Variants in F5 observed in about 807,000 individuals in gnomAD.
F5 encodes activated protein c cofactor.
A neutral mutation model predicts 216.4 loss-of-function variants in F5; 138 were observed. The observed-to-expected ratio is 0.64, with a 90% CI of 0.56 to 0.73. F5 has a LOEUF of 0.73. Ranked by LOEUF, F5 falls within the 30% of genes least tolerant of loss-of-function variation. The pLI is 0.00. For missense variants in F5, 2,403 were observed against 2,674.0 expected (o/e 0.90, Z 2.24); for synonymous variants, 916 against 930.7 (o/e 0.98, Z 0.29).
chr1:169,573,560 A>G (rs1156239078), intron 2 of F5, among the ~76,000 whole-genome samples: 3 of 152,158 alleles, frequency 2.0e-5, no homozygotes, highest in Admixed American at 1.3e-4. Flanking sequence ...GTCAAGGATG[A>G]CCTCAAGGTG....
At chr1:169,563,664 T>A (rs965962657) in intron 3 of F5, among the ~76,000 whole-genome samples, 3 of 152,216 alleles carry the variant, frequency 2.0e-5, no homozygotes, top group Admixed American at 1.3e-4. Context: ...TTATCCTTTA[T>A]TTTTTACCTT....
At chr1:169,522,714 G>A (rs1235790576) in intron 21 of F5, among the ~76,000 whole-genome samples, 3 of 152,152 alleles carry the variant, frequency 2.0e-5, no homozygotes, top group African/African-American at 7.2e-5. Flanking sequence ...GAAGGAGAAT[G>A]TCATTCCTCA....
intron 3 of F5, among the ~76,000 whole-genome samples, chr1:169,567,789 A>C (rs1571595862): frequency 6.6e-6 from 1 of 152,224 alleles, no homozygotes. Flanking sequence ...TGGGCCCCTG[A>C]GGGGCTCTGC....
At chr1:169,545,815 T>C (rs1476878491) in intron 11 of F5, among the ~76,000 whole-genome samples, 1 of 152,196 alleles carries the variant, frequency 6.6e-6, no homozygotes, top group Non-Finnish European at 1.5e-5. Flanking sequence ...CTGGCTGTTG[T>C]GGAGAAGTTT....
In F5 at chr1:169,515,570, C is replaced by G; in HGVS notation, c.6402G>C (p.Thr2134=). ...EIDLLKIKKI[T]AIITQGCKSL... Reference sequence around the variant, plus strand: ...ACTTGCAGCCCTGTGTTATAATTGCCGTTATCTTCTTGATCTTGAGTAGAT... The same window carrying G: ...ACTTGCAGCCCTGTGTTATAATTGCGGTTATCTTCTTGATCTTGAGTAGAT... Residue 2134 remains threonine, a synonymous_variant, in exon 24 of 25, where the codon ACG becomes ACC. Coordinates refer to ENST00000367797, the MANE Select transcript of F5 (RefSeq NM_000130.5). 4 of 1,613,284 alleles carry G rather than the reference C, an allele frequency of 2.5e-6. No homozygotes were observed. Among genetic ancestry groups the G allele is most frequent in the Non-Finnish European group, 3.4e-6 (4 of 1,179,604 alleles).
At chr1:169,568,453 A>G (rs748927727) in intron 3 of F5, among the ~76,000 whole-genome samples, 6 of 152,242 alleles carry the variant, frequency 3.9e-5, no homozygotes, top group Non-Finnish European at 8.8e-5. Context: ...ACATACATTA[A>G]TATAAAGTAT....
intron 19 of F5, among the ~76,000 whole-genome samples, chr1:169,524,135 A>G (rs1659374353): frequency 6.6e-6 from 1 of 152,122 alleles, no homozygotes; most frequent in Non-Finnish European, 1.5e-5. Flanking sequence ...CACACAGGTC[A>G]TGTTTGATTT....
At position 169,551,136 on chromosome 1, in the gene F5, T is replaced by C. The variant is rs1214249330; in HGVS notation, c.1297-397A>G. ...TCCCCTTCCCCTGCCCGGTAGATTT[T>C]TTAGGACACTGTCTTTGAAGTCATC... On this transcript the variant is annotated intron_variant, in intron 8 of 24. Transcript: ENST00000367797. 2.0e-5 allele frequency among the ~76,000 whole-genome samples: 3 copies of C among 152,166 alleles called. 1 individual carries two copies. Among genetic ancestry groups the C allele is most frequent in the Non-Finnish European group, 4.4e-5 (3 of 68,022 alleles).
At position 169,520,649 on chromosome 1, in the gene F5, A is replaced by G; in HGVS notation, c.6064T>C (p.Ser2022Pro). Residue 2022 changes from serine to proline, a missense_variant, in exon 22 of 25, where the codon TCA (serine) becomes CCA (proline). Around this residue, in one of 4 missense-constraint regions of F5, gnomAD observed 659 missense variants for 787.9 expected, o/e 0.84. Coordinates refer to ENST00000367797, the MANE Select transcript of F5 (RefSeq NM_000130.5). ...TTCTCTTTTATTGTAGAGGCATCTGAATTGCCATTAAAATACTAGAAGAAA... is the reference window on the plus strand; with the variant it reads ...TTCTCTTTTATTGTAGAGGCATCTGGATTGCCATTAAAATACTAGAAGAAA... ...TRNVMYFNGNSDASTIKENQF... is the reference protein window; with the variant it reads ...TRNVMYFNGNPDASTIKENQF... The G allele has an allele frequency of 6.2e-7, 1 of 1,613,734 alleles. No individual in the cohort carries two copies. Among genetic ancestry groups the G allele is most frequent in the Non-Finnish European group, 8.5e-7 (1 of 1,179,726 alleles).
chr1:169,531,146 A>G, intron 14 of F5, 124 bp from the exon 15 acceptor site: 1 of 735,686 alleles, frequency 1.4e-6, no homozygotes, highest in Non-Finnish European at 2.4e-6. Context: ...GGTACAAAAT[A>G]ACTTATGTAT....
intron 14 of F5, among the ~76,000 whole-genome samples, chr1:169,535,049 AG>A (rs1659674265): frequency 6.6e-6 from 1 of 152,190 alleles, no homozygotes; most frequent in Non-Finnish European, 1.5e-5. Context: ...GAAGGAGATG[AG>A]CAAGGGATGA....
chr1:169,577,579 A>ATATATATATATATATG (rs1557933705), intron 2 of F5, among the ~76,000 whole-genome samples: 9 of 114,664 alleles, frequency 7.8e-5, no homozygotes, highest in African/African-American at 2.5e-4. Context: ...ATATATATAT[A>ATATATATATATATATG]TATATATATA....
At chr1:169,529,522 C>G in intron 16 of F5, 86 bp downstream of exon 16, 1 of 1,259,146 alleles carries the variant, frequency 7.9e-7, no homozygotes, top group South Asian at 1.2e-5. Flanking sequence ...CATCTCATGT[C>G]TAATCTTGTG....
In F5 at chr1:169,546,457, A is replaced by G. The variant is rs1013945405; in HGVS notation, c.1747T>C (p.Ser583Pro). The change falls in exon 11 of 25, where the codon TCA becomes CCA. Residue 583 changes from serine (S) to proline (P), a missense_variant. Coordinates refer to ENST00000367797, the MANE Select transcript of F5 (RefSeq NM_000130.5). ...TCTGACTTACTGCTCATGATGTTTGATTCATAAAACTTGGGGTCATCACGT... is the reference window on the plus strand; with the variant it reads ...TCTGACTTACTGCTCATGATGTTTGGTTCATAAAACTTGGGGTCATCACGT... ...VKRDDPKFYE[S>P]NIMSTINGYV... 1.2e-6 allele frequency: 2 copies of G among 1,614,022 alleles called. No individual in the cohort carries two copies. Among genetic ancestry groups the G allele is most frequent in the African/African-American group, 2.7e-5 (2 of 74,928 alleles).
intron 14 of F5, 99 bp from the exon 15 acceptor site, chr1:169,531,121 G>A (rs891294221): frequency 4.0e-5 from 35 of 871,162 alleles, no homozygotes; most frequent in East Asian, 7.4e-5. Context: ...TTATAAAATC[G>A]GAGCTAAGAT....
At chr1:169,526,647 G>T (rs1659459364) in intron 17 of F5, among the ~76,000 whole-genome samples, 1 of 152,028 alleles carries the variant, frequency 6.6e-6, no homozygotes, top group Non-Finnish European at 1.5e-5. Flanking sequence ...GAATAGATAT[G>T]ATTATCTTCC....
At chr1:169,514,744 T>C (rs1285927089) in intron 24 of F5, among the ~76,000 whole-genome samples, 1 of 152,136 alleles carries the variant, frequency 6.6e-6, no homozygotes, top group African/African-American at 2.4e-5. Context: ...CTCACAGAGA[T>C]GATCCTCTAT....
At position 169,513,575 on chromosome 1, in the gene F5, G is replaced by C. The variant is rs1659084714; in HGVS notation, c.*738C>G. The stretch of plus-strand genomic sequence containing the variant: ...CCCATGCTCTGTTTTACAGGTCTGA[G>C]CTTTCCAGTAGGTGAAATTATGTTT... On this transcript the variant is annotated 3_prime_UTR_variant, in exon 25 of 25. Coordinates refer to ENST00000367797, the MANE Select transcript of F5 (RefSeq NM_000130.5). Among the ~76,000 whole-genome samples the C allele has an allele frequency of 6.6e-6, 1 of 152,124 alleles. No individual in the cohort carries two copies. Among genetic ancestry groups the C allele is most frequent in the Admixed American group, 6.6e-5 (1 of 15,250 alleles).
Position 169,523,271 on chromosome 1 carries a change from CTG to C in F5, c.5972_5973del (p.Thr1991ArgfsTer28). Reference protein sequence around the residue: ...AKHYLKSCYTTEFYVAYSSNQ... With the variant: ...AKHYLKSCYTXEFYVAYSSNQ... Reference sequence around the variant, plus strand: ...TTGGAACTGTAAGCTACATAGAACTCTGTGGTATAGCAGGACTTCAGGTAGTG... The same window carrying C: ...TTGGAACTGTAAGCTACATAGAACTCTGGTATAGCAGGACTTCAGGTAGTG... On this transcript the variant is annotated frameshift_variant, in exon 21 of 25. Coordinates refer to ENST00000367797, the MANE Select transcript of F5 (RefSeq NM_000130.5). LOFTEE classifies it high-confidence loss of function. 1.2e-6 allele frequency: 2 copies of C among 1,614,080 alleles called. No homozygotes were observed. The highest frequency in any genetic ancestry group is 1.7e-6 in the Non-Finnish European group (2 of 1,179,970).
Sources: gnomAD v4.1 joint callset for allele counts (sites outside exome capture counted in the v4.1 genomes callset) on GRCh38, gnomAD v4.1.1 for gene constraint, gnomAD v4.1.1 regional missense constraint, MANE v1.5 for transcripts, NCBI Gene and HGNC (gene_info 2026-07-23, HGNC 2026-07-21) for gene names.